The following TOP3B variants were observed in gnomAD, a reference collection of about 807,000 sequenced individuals.
The protein encoded by TOP3B is DNA topoisomerase 3-beta-1.
In TOP3B, 45 loss-of-function variants were observed where a neutral mutation model predicts 93.9. The ratio of observed to expected loss-of-function variants is 0.48; its 90% confidence interval spans 0.38 to 0.61. The LOEUF (loss-of-function observed/expected upper bound fraction) is 0.61, where lower values mean the gene tolerates loss of function less well. TOP3B is among the 20% of genes least tolerant of loss of function. The pLI, the probability that TOP3B is intolerant of heterozygous loss-of-function variation, is 0.00. For missense variants in TOP3B, 750 were observed against 1,156.1 expected (o/e 0.65, Z 5.09); for synonymous variants, 357 against 472.6 (o/e 0.76, Z 3.17).
At chr22:21,969,067 C>T (rs2071528258) in intron 6 of TOP3B, 1 of 338,134 alleles carries the variant, frequency 3.0e-6, no homozygotes, top group Non-Finnish European at 5.5e-6. Context: ...CCCCAGAGCA[C>T]AGACAAACAC....
At chr22:21,977,568 C>T (rs572784020) in intron 1 of TOP3B, 15 of 150,748 alleles carry the variant, frequency 1.0e-4, no homozygotes, top group African/African-American at 2.7e-4. Flanking sequence ...AAAACCACCA[C>T]GTAAGTACCT....
At chr22:21,959,843 C>A in intron 14 of TOP3B, 107 bp from the exon 15 acceptor site, 1 of 1,469,474 alleles carries the variant, frequency 6.8e-7, no homozygotes. Context: ...CGCTCTGGCC[C>A]GTCCTCCTGG....
intron 1 of TOP3B, among the ~76,000 whole-genome samples, chr22:21,981,517 T>A (rs1336260224): frequency 1.3e-5 from 2 of 152,204 alleles, no homozygotes; most frequent in Non-Finnish European, 2.9e-5. Context: ...TTTTGCTTTG[T>A]GCATTCTCAC....
At chr22:21,974,637 G>T in intron 2 of TOP3B, 149 bp from the exon 3 acceptor site, 1 of 857,022 alleles carries the variant, frequency 1.2e-6, no homozygotes, top group Non-Finnish European at 1.8e-6. Context: ...GGTGCGGGTA[G>T]TTGGGCACTG....
At chr22:21,961,654 G>A (rs1048092066) in intron 13 of TOP3B, 34 of 152,926 alleles carry the variant, frequency 2.2e-4, no homozygotes, top group African/African-American at 7.7e-4. Flanking sequence ...AGCCTGGGAA[G>A]AGACACTCCC....
intron 1 of TOP3B, among the ~76,000 whole-genome samples, chr22:21,980,848 C>T (rs961905461): frequency 2.6e-5 from 4 of 152,252 alleles, no homozygotes; most frequent in Admixed American, 1.3e-4. Context: ...CCACAATTGT[C>T]AGGTTCATTG....
rs115845788 is a variant in TOP3B, at chr22:21,962,491, G to A, written c.1463C>T (p.Thr488Met). 1.5e-5 allele frequency: 25 copies of A among 1,613,718 alleles called. No homozygotes were observed. The East Asian group carries it at 1.6e-4, about 10-fold the overall frequency. ...CTCCGTCAGGTAGTCGGGTGGGTTC[G>A]TCTGCTTCTCCAGCATCTTCACCTC... ...VGEVKMLEKQ[T>M]NPPDYLTEAE... Residue 488 changes from threonine (T) to methionine (M), a missense_variant, in exon 13 of 18, where the codon ACG (threonine) becomes ATG (methionine). Thr to Met is a moderately conservative substitution (Grantham distance 81). Coordinates refer to ENST00000357179, the MANE Select transcript of TOP3B (RefSeq NM_001282112.2).
intron 13 of TOP3B, chr22:21,961,204 C>A (rs1476093297): frequency 1.3e-5 from 2 of 152,352 alleles, no homozygotes; most frequent in African/African-American, 2.4e-5. Flanking sequence ...GGGCCCATGG[C>A]TCTTGGCACG....
chr22:21,964,721 C>A (rs902131733), intron 9 of TOP3B: 7 of 221,866 alleles, frequency 3.2e-5, no homozygotes, highest in Non-Finnish European at 6.3e-5. Flanking sequence ...CCATTTTGAG[C>A]CCTTGGGTGT....
Position 21,975,761 on chromosome 22 carries a change from T to G in TOP3B, c.-52A>C. On this transcript the variant is annotated 5_prime_UTR_variant, in exon 2 of 18. Coordinates refer to ENST00000357179, the MANE Select transcript of TOP3B (RefSeq NM_001282112.2). Reference sequence around the variant, plus strand: ...TTCGGGGCACTGGCAATGAAAAAGTTTAGACTCCACTCTTCCGCAGCACAG... The same window carrying G: ...TTCGGGGCACTGGCAATGAAAAAGTGTAGACTCCACTCTTCCGCAGCACAG... 6.3e-7 allele frequency: 1 copy of G among 1,581,132 alleles called. No homozygotes were observed.
chr22:21,975,990 T>C, intron 1 of TOP3B, 183 bp from the exon 2 acceptor site: 1 of 260,860 alleles, frequency 3.8e-6, no homozygotes, highest in Non-Finnish European at 7.0e-6. Flanking sequence ...CCAGGTCAGC[T>C]GAAGTGGCTG....
chr22:21,974,503 G>T lies in TOP3B; in HGVS notation c.71-15C>A, dbSNP rs1288026329. On this transcript the variant is annotated splice_polypyrimidine_tract_variant and intron_variant, in intron 2 of 17. Coordinates refer to ENST00000357179, the MANE Select transcript of TOP3B (RefSeq NM_001282112.2). ...GGACAGGCTCCCTGGGGATGAGGAA[G>T]CACAAAGTGACTGGCTGCTTCAGCT... The T allele has an allele frequency of 2.5e-6, 4 of 1,590,406 alleles. No individual in the cohort carries two copies. The highest frequency in any genetic ancestry group is 3.4e-6 in the Non-Finnish European group (4 of 1,166,866).
intron 6 of TOP3B, chr22:21,969,930 ATTTTTTT>A (rs56123700): frequency 5.6e-5 from 10 of 177,206 alleles, no homozygotes; most frequent in South Asian, 1.3e-4. Context: ...CAAAAAAATA[ATTTTTTT>A]TTTTTTTTTT....
chr22:21,958,643 G>C lies in TOP3B; in HGVS notation c.1956C>G (p.Leu652=). 1 of 1,613,806 alleles carries C rather than the reference G, an allele frequency of 6.2e-7. No individual in the cohort carries two copies. Among genetic ancestry groups the C allele is most frequent in the South Asian group, 1.1e-5 (1 of 91,072 alleles). The change falls in exon 17 of 18, where the codon CTC becomes CTG. Residue 652 remains leucine (L), a synonymous_variant. Transcript: ENST00000357179. ...HCSHCDETYT[L]PQNGTIKLYK... ...AGAGCTTGATGGTGCCGTTCTGGGG[G>C]AGCGTGTAGGTCTCATCGCAGTGGG... is the stretch of plus-strand genomic sequence containing the variant.
At chr22:21,974,540 C>A in intron 2 of TOP3B, 52 bp from the exon 3 acceptor site, 2 of 1,526,360 alleles carry the variant, frequency 1.3e-6, no homozygotes, top group Non-Finnish European at 1.8e-6. Context: ...AGCTGAAGAC[C>A]CTGTGGAGAC....
rs2071836542 is a variant in TOP3B, at chr22:21,975,666, T to A, written c.44A>T (p.Gln15Leu). The A allele has an allele frequency of 6.2e-7, 1 of 1,612,110 alleles. No homozygotes were observed. ...LMVAEKPSLA[Q>L]SIAKILSRGS... is the part of the protein sequence containing the mutation. ...TCTAGAGAGGATTTTGGCAATTGAC[T>A]GTGCCAAGGACGGCTTTTCAGCAAC... Residue 15 changes from glutamine to leucine, a missense_variant, in exon 2 of 18, where the codon CAG (glutamine) becomes CTG (leucine). This residue lies in a region of TOP3B where 737 missense variants were observed against 933.7 expected (regional missense o/e 0.79). Coordinates refer to ENST00000357179, the MANE Select transcript of TOP3B (RefSeq NM_001282112.2).
intron 4 of TOP3B, 49 bp downstream of exon 4, chr22:21,972,563 G>A: frequency 7.2e-7 from 1 of 1,392,030 alleles, no homozygotes; most frequent in South Asian, 1.3e-5. Context: ...TGGCAGCTGT[G>A]GAGGGTGGGG....
At position 21,960,405 on chromosome 22, in the gene TOP3B, G is replaced by T; in HGVS notation, c.1570C>A (p.Arg524Ser). The change falls in exon 14 of 18, where the codon CGC (arginine) becomes AGC (serine). Residue 524 changes from arginine to serine, a missense_variant. By Grantham distance (110) the Arg-to-Ser change is moderately radical (BLOSUM62 -1). Coordinates refer to ENST00000357179, the MANE Select transcript of TOP3B (RefSeq NM_001282112.2). ...CCGCTCTCCACCGTGACATAGTTGCGCTGGCAGATGTTGTTGATATGCACA... is the reference window on the plus strand; with the variant it reads ...CCGCTCTCCACCGTGACATAGTTGCTCTGGCAGATGTTGTTGATATGCACA... The part of the protein sequence containing the change: ...IPVHINNICQ[R>S]NYVTVESGRR... 1 of 1,613,668 alleles carries T rather than the reference G, an allele frequency of 6.2e-7. No homozygotes were observed. Among genetic ancestry groups the T allele is most frequent in the Non-Finnish European group, 8.5e-7 (1 of 1,179,984 alleles).
chr22:21,973,271 A>G, intron 3 of TOP3B: 1 of 158,672 alleles, frequency 6.3e-6, no homozygotes, highest in Admixed American at 6.0e-5. Flanking sequence ...GCTTTCTTTT[A>G]GGCCCCATTT....
Sources: allele counts gnomAD v4.1 joint callset (sites outside exome capture counted in the v4.1 genomes callset), GRCh38; gene constraint gnomAD v4.1.1; regional missense constraint gnomAD v4.1.1; transcripts MANE v1.5; gene names NCBI Gene and HGNC (gene_info 2026-07-23, HGNC 2026-07-21).